CACNA1H: variants seen among roughly 807,000 people sequenced by gnomAD.
The protein encoded by CACNA1H is voltage-dependent T-type calcium channel subunit alpha-1H.
In CACNA1H, 149 loss-of-function variants were observed where a neutral mutation model predicts 192.5. The ratio of observed to expected loss-of-function variants is 0.77; its 90% CI spans 0.68 to 0.89. The LOEUF (loss-of-function observed/expected upper bound fraction) is 0.89, where lower values mean the gene tolerates loss of function less well. Among genes scored for constraint, CACNA1H ranks in the 40% least tolerant of loss-of-function variants. The pLI, the probability that CACNA1H is intolerant of heterozygous loss-of-function variation, is 0.00. For missense variants in CACNA1H, 4,257 were observed against 3,423.5 expected (o/e 1.24, Z -6.08); for synonymous variants, 2,202 against 1,475.2 (o/e 1.49, Z -11.29).
chr16:1,193,249 G>C (rs977692246), intron 2 of CACNA1H, among the ~76,000 whole-genome samples: 5 of 152,252 alleles, frequency 3.3e-5, no homozygotes, highest in Admixed American at 2.6e-4. Context: ...CACCCCCGCA[G>C]AAAGGTGCTA....
At chr16:1,159,649 TG>T in intron 2 of CACNA1H, 1 of 152,166 alleles carries the variant, frequency 6.6e-6, no homozygotes, top group East Asian at 1.9e-4. Flanking sequence ...AGGGGAGGCC[TG>T]GGGGCCGGGC....
At chr16:1,154,064 G>GC in intron 2 of CACNA1H, 28 bp downstream of exon 2, 1 of 954,836 alleles carries the variant, frequency 1.0e-6, no homozygotes, top group Non-Finnish European at 1.3e-6. Flanking sequence ...CGGGGGGCGG[G>GC]GGGCGGGGGG....
intron 2 of CACNA1H, among the ~76,000 whole-genome samples, chr16:1,174,679 C>G (rs1964690612): frequency 4.6e-5 from 7 of 152,140 alleles, no homozygotes; most frequent in Admixed American, 4.6e-4. Flanking sequence ...GAGAGGCGCC[C>G]AATGTTAGTT....
At position 1,220,410 on chromosome 16, in the gene CACNA1H, C is replaced by T; in HGVS notation, c.6478C>T (p.Leu2160=). 8 of 1,526,590 alleles carry T rather than the reference C, an allele frequency of 5.2e-6. No individual in the cohort carries two copies. The highest frequency in any genetic ancestry group is 7.0e-6 in the Non-Finnish European group (8 of 1,145,994). The allele number at this position is 1,526,590 out of a possible 1,614,324, so 94.6% of individuals were successfully genotyped here. A position where few individuals can be genotyped will look rare whatever the true frequency, so the allele number is the denominator to read the frequency against. Residue 2160 remains leucine (L), a synonymous_variant, in exon 35 of 35, where the codon CTG becomes TTG. Coordinates refer to ENST00000348261, the MANE Select transcript of CACNA1H (RefSeq NM_021098.3). ...CGAGCAGTGGCGGCCCTCGGCGGAGCTGGGCAGCGGGGAGCCTGGGGAGGC... is the reference window on the plus strand; with the variant it reads ...CGAGCAGTGGCGGCCCTCGGCGGAGTTGGGCAGCGGGGAGCCTGGGGAGGC... ...ADEQWRPSAE[L]GSGEPGEAKA...
rs1178431679 is a variant in CACNA1H at position 1,220,791 on chromosome 16, A to T, written c.6859A>T (p.Ser2287Cys). 6.2e-7 allele frequency: 1 copy of T among 1,612,724 alleles called. No homozygotes were observed. The highest frequency in any genetic ancestry group is 2.2e-5 in the East Asian group (1 of 44,844). The part of the protein sequence containing the change: ...SGDPFLDGSH[S>C]VTPESRASSS... ...AGACCCTTTCTTGGACGGTAGCCAC[A>T]GTGTGACCCCAGAATCCAGAGCTTC... Residue 2287 changes from serine (S) to cysteine (C), a missense_variant, in exon 35 of 35, where the codon AGT becomes TGT. Physicochemically the swap from Ser to Cys is moderately radical, Grantham distance 112. Transcript: ENST00000348261.
Position 1,180,298 on chromosome 16 carries a change from T to A in CACNA1H, c.300-14674T>A, listed in dbSNP as rs1036030269. On this transcript the variant is annotated intron_variant, in intron 2 of 34. Transcript: ENST00000348261. This position sits in a 1 kb window ranked among gnomAD's most constrained non-coding sequence, Gnocchi z 4.4. ...ACCAGGCGTCGCCCACAGAGCATAA[T>A]GTGAGGCGAGAGGGACTCGGGCTGC... 7.2e-5 allele frequency among the ~76,000 whole-genome samples: 11 copies of A among 152,122 alleles called. No individual in the cohort carries two copies. Among genetic ancestry groups the A allele is most frequent in the Non-Finnish European group, 1.3e-4 (9 of 68,022 alleles).
In CACNA1H at chr16:1,153,152, C is replaced by G. The variant is rs1171362069; in HGVS notation, c.-337C>G. 6.9e-6 allele frequency: 1 copy of G among 144,542 alleles called. No homozygotes were observed. Among genetic ancestry groups the G allele is most frequent in the African/African-American group, 2.5e-5 (1 of 40,218 alleles). The allele number at this position is 144,542 out of a possible 1,614,324, so 9.0% of individuals were successfully genotyped here. A position where few individuals can be genotyped will look rare whatever the true frequency, so the allele number is the denominator to read the frequency against. Reference sequence around the variant, plus strand: ...CGCGCGGACGGGCTCGAGGCTCGCTCGCTGCCTCACCGGTCCCCGGCCCGC... The same window carrying G: ...CGCGCGGACGGGCTCGAGGCTCGCTGGCTGCCTCACCGGTCCCCGGCCCGC... On this transcript the variant is annotated 5_prime_UTR_variant, in exon 1 of 35. Coordinates refer to ENST00000348261, the MANE Select transcript of CACNA1H (RefSeq NM_021098.3).
intron 9 of CACNA1H, among the ~76,000 whole-genome samples, chr16:1,202,727 C>T (rs1968126144): frequency 6.6e-6 from 1 of 152,102 alleles, no homozygotes; most frequent in South Asian, 2.1e-4. Flanking sequence ...GCTTGTCAGA[C>T]CCTCCTGGGG....
chr16:1,210,053 C>T lies in CACNA1H; in HGVS notation c.3763C>T (p.His1255Tyr). 1 of 1,552,676 alleles carries T rather than the reference C, an allele frequency of 6.4e-7. No individual in the cohort carries two copies. Among genetic ancestry groups the T allele is most frequent in the Non-Finnish European group, 8.7e-7 (1 of 1,148,576 alleles). Reference protein sequence around the residue: ...DSEDSCCLRLHKVLEPYKPQW... With the variant: ...DSEDSCCLRLYKVLEPYKPQW... ...CCCACAGAGCTGCTGCCTCCGCCTG[C>T]ATAAAGTGCTGGAGCCCTACAAGCC... is the stretch of plus-strand genomic sequence containing the variant. Residue 1255 changes from histidine (H) to tyrosine (Y), a missense_variant, in exon 18 of 35, where the codon CAT becomes TAT. His to Tyr is a moderately conservative substitution (Grantham distance 83). Coordinates refer to ENST00000348261, the MANE Select transcript of CACNA1H (RefSeq NM_021098.3).
At chr16:1,206,769 C>T (rs1468825484) in intron 12 of CACNA1H, 13 of 526,162 alleles carry the variant, frequency 2.5e-5, no homozygotes, top group East Asian at 9.4e-5. Context: ...TCTGTCCCGC[C>T]TCTGGTCTTG....
In CACNA1H at chr16:1,221,140, G is replaced by A. The variant is rs751072015; in HGVS notation, c.*146G>A. The stretch of plus-strand genomic sequence containing the variant: ...GGGGAGGATGACGGCCCAGGCCCTG[G>A]TTCTCTGCCCAGCGAAGCAGGAGTA... On this transcript the variant is annotated 3_prime_UTR_variant, in exon 35 of 35. Coordinates refer to ENST00000348261, the MANE Select transcript of CACNA1H (RefSeq NM_021098.3). 4.8e-6 allele frequency: 3 copies of A among 622,010 alleles called. No homozygotes were observed. Among genetic ancestry groups the A allele is most frequent in the East Asian group, 2.8e-5 (1 of 35,540 alleles). The allele number at this position is 622,010 out of a possible 1,614,324, so 38.5% of individuals were successfully genotyped here.
chr16:1,201,779 C>G lies in CACNA1H; in HGVS notation c.1329C>G (p.Asn443Lys). The G allele has an allele frequency of 6.2e-7, 1 of 1,602,418 alleles. No homozygotes were observed. Among genetic ancestry groups the G allele is most frequent in the Non-Finnish European group, 8.5e-7 (1 of 1,175,540 alleles). Reference sequence around the variant, plus strand: ...AGCAGCGGGCACGCCACCTGTCCAACGACAGCACGCTGGCCAGCTTCTCCG... The same window carrying G: ...AGCAGCGGGCACGCCACCTGTCCAAGGACAGCACGCTGGCCAGCTTCTCCG... Reference protein sequence around the residue: ...MREQRARHLSNDSTLASFSEP... With the variant: ...MREQRARHLSKDSTLASFSEP... Residue 443 changes from asparagine (N) to lysine (K), a missense_variant, in exon 9 of 35, where the codon AAC (asparagine) becomes AAG (lysine). Physicochemically the swap from Asn to Lys is moderately conservative, Grantham distance 94 (BLOSUM62 0). Transcript: ENST00000348261.
chr16:1,155,646 C>G (rs147261277), intron 2 of CACNA1H, among the ~76,000 whole-genome samples: 2 of 151,960 alleles, frequency 1.3e-5, no homozygotes, highest in African/African-American at 4.8e-5. Flanking sequence ...GCCCCATCCC[C>G]AAGCAGGGCA....
At chr16:1,202,646 G>A (rs978618995) in intron 9 of CACNA1H, among the ~76,000 whole-genome samples, 194 bp downstream of exon 9, 1 of 152,294 alleles carries the variant, frequency 6.6e-6, no homozygotes. Flanking sequence ...CAGCGCCAAA[G>A]CAAGCTCCCG....
intron 18 of CACNA1H, 40 bp from the exon 19 acceptor site, chr16:1,210,330 G>GCC: frequency 2.1e-6 from 3 of 1,407,112 alleles, no homozygotes; most frequent in South Asian, 1.3e-5. Flanking sequence ...TGCCATCCAC[G>GCC]CCGCCCCGCC....
At chr16:1,179,539 C>T (rs969381399) in intron 2 of CACNA1H, among the ~76,000 whole-genome samples, 2 of 152,152 alleles carry the variant, frequency 1.3e-5, no homozygotes. Flanking sequence ...AGCGATTCTC[C>T]TGCCTCAGCC....
rs760038394 is a variant in CACNA1H, at chr16:1,209,292, C to T, written c.3624C>T (p.Ala1208=). The stretch of plus-strand genomic sequence containing the variant: ...ACCCACGGCCCCTGCGGCCGGCCGC[C>T]CTCCCGCCTACCAAGTGCCGCGATC... ...SLDPRPLRPA[A]LPPTKCRDRD... is the part of the protein sequence containing the mutation. The change falls in exon 17 of 35, where the codon GCC becomes GCT. Residue 1208 remains alanine (A), a synonymous_variant. Coordinates refer to ENST00000348261, the MANE Select transcript of CACNA1H (RefSeq NM_021098.3). The T allele has an allele frequency of 3.8e-6, 6 of 1,583,578 alleles. No homozygotes were observed. The highest frequency in any genetic ancestry group is 2.7e-5 in the African/African-American group (2 of 74,532).
intron 8 of CACNA1H, among the ~76,000 whole-genome samples, chr16:1,201,130 C>T (rs1012131500): frequency 2.0e-5 from 3 of 152,156 alleles, no homozygotes; most frequent in Non-Finnish European, 4.4e-5. Flanking sequence ...CTGGTCCTCT[C>T]ATAGGCCCCA....
chr16:1,153,614 A>T, intron 1 of CACNA1H, 106 bp from the exon 2 acceptor site: 1 of 651,492 alleles, frequency 1.5e-6, no homozygotes, highest in South Asian at 7.8e-5. Flanking sequence ...CTAATAAGAA[A>T]AGACAAAGAC....
Sources: gnomAD v4.1 joint callset for allele counts (sites outside exome capture counted in the v4.1 genomes callset) on GRCh38, gnomAD v4.1.1 for gene constraint, Gnocchi (gnomAD v3.1) non-coding constraint, MANE v1.5 for transcripts, NCBI Gene and HGNC (gene_info 2026-07-23, HGNC 2026-07-21) for gene names.